Variants in TENM3 observed in about 807,000 individuals in gnomAD.
TENM3 encodes teneurin transmembrane protein 3, also known as teneurin-3.
In TENM3, 63 loss-of-function variants were observed where a neutral mutation model predicts 255.1. The observed-to-expected ratio is 0.25, with a 90% CI of 0.20 to 0.30. The LOEUF is 0.30. Ranked by LOEUF, TENM3 falls within the 10% of genes least tolerant of loss-of-function variation. The probability of loss-of-function intolerance (pLI) is 1.00; values close to 1 mark genes in which losing one functional copy is unlikely to be tolerated. For missense variants in TENM3, 2,929 were observed against 3,461.1 expected, an observed-to-expected ratio of 0.85 and a Z score of 3.86; for synonymous variants, 1,306 against 1,322.3, an observed-to-expected ratio of 0.99 and a Z score of 0.27.
At chr4:182,681,731 A>G (rs566886222) in intron 10 of TENM3, 83 bp from the exon 11 acceptor site, 431 of 1,012,284 alleles carry the variant, frequency 4.3e-4, no homozygotes, top group Middle Eastern at 2.0e-3. Context: ...GTTCATATAA[A>G]TTAGATTAGG....
intron 3 of TENM3, among the ~76,000 whole-genome samples, chr4:182,597,008 CT>C (rs879474139): frequency 6.6e-6 from 1 of 152,182 alleles, no homozygotes; most frequent in Non-Finnish European, 1.5e-5. Context: ...TCCTTAAACA[CT>C]TTTATAGTCT....
chr4:181,778,305 C>G, the TENM3 span, among the ~76,000 whole-genome samples: 1 of 152,018 alleles, frequency 6.6e-6, no homozygotes, highest in Non-Finnish European at 1.5e-5. Flanking sequence ...TAGTTTATAT[C>G]AAGATTCACT....
chr4:182,038,756 A>G, the TENM3 span, among the ~76,000 whole-genome samples: 89 of 152,220 alleles, frequency 5.8e-4, 1 homozygote, highest in African/African-American at 2.0e-3. Context: ...TTTTTGAGAC[A>G]GAGTTTCACT....
At position 182,535,739 on chromosome 4, in the gene TENM3, C is replaced by CA. The variant is rs113823765; in HGVS notation, c.512-65171dup. On this transcript the variant is annotated intron_variant, in intron 3 of 27. Transcript: ENST00000511685. ...TGGGTGACAAAGTGAGACCCTATGT[C>CA]AAAAAAAAAAAAAACACAGAATTTT... Among the ~76,000 whole-genome samples the CA allele has an allele frequency of 4.5e-3, 495 of 110,276 alleles. 1 individual carries two copies. Among genetic ancestry groups the CA allele is most frequent in the East Asian group, 0.02 (75 of 3,840 alleles). The allele number at this position is 110,276 out of a possible 152,430, so 72.3% of individuals were successfully genotyped here. A position where few individuals can be genotyped will look rare whatever the true frequency, so the allele number is the denominator to read the frequency against.
At chr4:182,140,951 TC>T (rs1384276486), upstream of TENM3, among the ~76,000 whole-genome samples, 1 of 150,370 alleles carries the variant, frequency 6.7e-6, no homozygotes, top group East Asian at 2.0e-4. Context: ...TGTCTCCTCT[TC>T]CCCAAAATGA....
intron 3 of TENM3, among the ~76,000 whole-genome samples, chr4:182,365,761 A>G (rs1766395549): frequency 1.3e-5 from 2 of 152,210 alleles, no homozygotes; most frequent in Admixed American, 1.3e-4. Flanking sequence ...ATACGTTCAG[A>G]GAAATGCATC....
chr4:182,697,462 G>A (rs1277510408), intron 12 of TENM3, among the ~76,000 whole-genome samples: 3 of 152,148 alleles, frequency 2.0e-5, no homozygotes, highest in Non-Finnish European at 4.4e-5. Flanking sequence ...AAAACCTTCT[G>A]TGAAGCTTGC....
chr4:182,336,635 A>C (rs188062680), intron 2 of TENM3, among the ~76,000 whole-genome samples: 255 of 152,278 alleles, frequency 1.7e-3, no homozygotes, highest in African/African-American at 5.5e-3. Context: ...CTAGCTTGTT[A>C]ATGTCCCTGC....
chr4:181,558,008 C>T, the TENM3 span, among the ~76,000 whole-genome samples: 1 of 152,174 alleles, frequency 6.6e-6, no homozygotes, highest in Non-Finnish European at 1.5e-5. Context: ...AAGTATTCCT[C>T]TTCAAATGAG....
the TENM3 span, among the ~76,000 whole-genome samples, chr4:181,630,915 A>T: frequency 1.3e-5 from 2 of 152,110 alleles, no homozygotes; most frequent in Non-Finnish European, 2.9e-5. Context: ...ATTGCTGCAT[A>T]ACAAAATTCT....
At chr4:181,956,850 C>T in the TENM3 span, among the ~76,000 whole-genome samples, 46 of 152,248 alleles carry the variant, frequency 3.0e-4, no homozygotes, top group Non-Finnish European at 5.1e-4. Context: ...TTTAGATTAA[C>T]GGGCAACAAA....
chr4:181,850,586 C>T, the TENM3 span, among the ~76,000 whole-genome samples: 1 of 152,052 alleles, frequency 6.6e-6, no homozygotes, highest in African/African-American at 2.4e-5. Flanking sequence ...ATTTTTACAA[C>T]TCTGCAAACC....
At chr4:181,771,517 G>T in the TENM3 span, among the ~76,000 whole-genome samples, 8 of 152,188 alleles carry the variant, frequency 5.3e-5, no homozygotes, top group African/African-American at 1.9e-4. Context: ...CAATGTCAAT[G>T]ATGGGAATGT....
At chr4:181,588,448 A>G in the TENM3 span, among the ~76,000 whole-genome samples, 2,851 of 152,260 alleles carry the variant, frequency 0.019, 102 homozygotes, top group African/African-American at 0.066. Flanking sequence ...GAAAAAAGTG[A>G]GCTTTGTTCA....
intron 3 of TENM3, among the ~76,000 whole-genome samples, chr4:182,539,006 A>G (rs1224819852): frequency 6.6e-6 from 1 of 152,006 alleles, no homozygotes; most frequent in Non-Finnish European, 1.5e-5. Flanking sequence ...TGTCAAAGCT[A>G]TGGATATCGG....
the TENM3 span, among the ~76,000 whole-genome samples, chr4:182,070,477 T>C: frequency 0.81 from 123,240 of 151,710 alleles, 50,179 homozygotes; most frequent in East Asian, 0.88. Context: ...ATTAGTTGGG[T>C]GTAGCGGCAC....
At chr4:181,531,893 G>GGGTAC in the TENM3 span, among the ~76,000 whole-genome samples, 6 of 152,194 alleles carry the variant, frequency 3.9e-5, no homozygotes, top group Non-Finnish European at 8.8e-5. Context: ...AAATCTGGGA[G>GGGTAC]GTACCGTGCA....
chr4:181,674,689 TC>T, the TENM3 span, among the ~76,000 whole-genome samples: 1 of 152,182 alleles, frequency 6.6e-6, no homozygotes, highest in African/African-American at 2.4e-5. Flanking sequence ...GATTTTTTTT[TC>T]AGACCAGGAT....
chr4:182,789,937 T>G lies in TENM3; in HGVS notation c.5601+548T>G, dbSNP rs562232395. 2.0e-4 allele frequency among the ~76,000 whole-genome samples: 30 copies of G among 152,340 alleles called. No homozygotes were observed. The highest frequency in any genetic ancestry group is 6.7e-4 in the African/African-American group (28 of 41,580). On this transcript the variant is annotated intron_variant, in intron 25 of 27. Transcript: ENST00000511685. This position sits in a 1 kb window ranked among gnomAD's most constrained non-coding sequence, Gnocchi z 4.4. ...TTCTACATATAAAAGGTAAGCCTCCTAGATTAGGCTGTTTTCCATTCTTGA... is the reference window on the plus strand; with the variant it reads ...TTCTACATATAAAAGGTAAGCCTCCGAGATTAGGCTGTTTTCCATTCTTGA...
Sources: allele counts gnomAD v4.1 joint callset (sites outside exome capture counted in the v4.1 genomes callset), GRCh38; gene constraint gnomAD v4.1.1; non-coding constraint Gnocchi (gnomAD v3.1); transcripts MANE v1.5; gene names NCBI Gene and HGNC (gene_info 2026-07-23, HGNC 2026-07-21).